Variants in DDX10 observed in about 807,000 individuals in gnomAD.
DDX10 encodes DEAD-box helicase 10.
A neutral mutation model predicts 104.3 loss-of-function variants in DDX10; 74 were observed. That is an observed-to-expected ratio of 0.71 (90% CI 0.59 to 0.86). The LOEUF (loss-of-function observed/expected upper bound fraction) is 0.86, where lower values mean the gene tolerates loss of function less well. Among genes scored for constraint, DDX10 ranks in the 40% least tolerant of loss-of-function variants. The probability of loss-of-function intolerance (pLI) is 0.00; values close to 1 mark genes in which losing one functional copy is unlikely to be tolerated. For missense variants in DDX10, 952 were observed against 1,040.0 expected, an observed-to-expected ratio of 0.92 and a Z score of 1.16; for synonymous variants, 351 against 353.4, an observed-to-expected ratio of 0.99 and a Z score of 0.08.
intron 16 of DDX10, among the ~76,000 whole-genome samples, chr11:108,911,981 C>T (rs2357324): frequency 0.15 from 22,773 of 152,060 alleles, 2,114 homozygotes; most frequent in East Asian, 0.28. Flanking sequence ...TAAGAGAGGT[C>T]TGATGTGTAC....
At chr11:108,905,416 C>T (rs1158402552) in intron 16 of DDX10, among the ~76,000 whole-genome samples, 1 of 149,012 alleles carries the variant, frequency 6.7e-6, no homozygotes, top group Non-Finnish European at 1.5e-5. Context: ...TCACTGTGAA[C>T]ACTTTTAAAT....
intron 6 of DDX10, among the ~76,000 whole-genome samples, chr11:108,680,056 C>T (rs966031893): frequency 2.6e-5 from 4 of 152,122 alleles, no homozygotes; most frequent in African/African-American, 9.7e-5. Context: ...TTATGGAACA[C>T]ATTTTATGAA....
intron 13 of DDX10, chr11:108,822,496 G>T (rs1299505750): frequency 3.5e-6 from 1 of 288,706 alleles, no homozygotes; most frequent in Non-Finnish European, 6.7e-6. Flanking sequence ...GTTCTTATTG[G>T]TGTCTGTGTA....
intron 16 of DDX10, 57 bp from the exon 17 acceptor site, chr11:108,917,816 C>A: frequency 6.3e-7 from 1 of 1,574,804 alleles, no homozygotes; most frequent in Non-Finnish European, 8.6e-7. Flanking sequence ...CAAATAAAAC[C>A]TGATTATTTA....
intron 17 of DDX10, among the ~76,000 whole-genome samples, chr11:108,934,204 T>G (rs1168491800): frequency 6.6e-6 from 1 of 152,084 alleles, no homozygotes; most frequent in African/African-American, 2.4e-5. Context: ...ATAGGTGGAT[T>G]TGAGAGATGA....
chr11:108,740,411 A>G (rs913464810), intron 13 of DDX10, among the ~76,000 whole-genome samples: 2 of 152,158 alleles, frequency 1.3e-5, no homozygotes, highest in South Asian at 4.2e-4. Context: ...GGTTGATTCC[A>G]TGTCTTTGCT....
chr11:108,916,560 T>C (rs1026291966), intron 16 of DDX10, among the ~76,000 whole-genome samples: 1 of 152,232 alleles, frequency 6.6e-6, no homozygotes, highest in Non-Finnish European at 1.5e-5. Flanking sequence ...TATTCTGAAC[T>C]GTTATTCAAT....
intron 13 of DDX10, among the ~76,000 whole-genome samples, chr11:108,763,973 C>T (rs1298224997): frequency 6.6e-6 from 1 of 152,084 alleles, no homozygotes; most frequent in East Asian, 1.9e-4. Context: ...ATAGAGCTTT[C>T]ATTATTTTAT....
chr11:108,852,303 TA>T, intron 16 of DDX10, 94 bp downstream of exon 16: 1 of 819,306 alleles, frequency 1.2e-6, no homozygotes, highest in Non-Finnish European at 1.9e-6. Context: ...CTTATAATGT[TA>T]AAATGGAATT....
intron 16 of DDX10, among the ~76,000 whole-genome samples, chr11:108,856,412 CAG>C (rs1387276465): frequency 6.6e-6 from 1 of 151,632 alleles, no homozygotes; most frequent in Non-Finnish European, 1.5e-5. Context: ...GCCTGGGTGA[CAG>C]AGCGAGACTC....
At chr11:108,818,041 C>CT (rs1414482186) in intron 13 of DDX10, among the ~76,000 whole-genome samples, 1 of 152,162 alleles carries the variant, frequency 6.6e-6, no homozygotes, top group African/African-American at 2.4e-5. Flanking sequence ...TTAAAGTAAA[C>CT]TGAAGAAACA....
intron 13 of DDX10, among the ~76,000 whole-genome samples, chr11:108,824,438 T>A (rs4237580): frequency 6.6e-6 from 1 of 152,008 alleles, no homozygotes; most frequent in Non-Finnish European, 1.5e-5. Flanking sequence ...TCTTTACTTT[T>A]AATGTTACTG....
At chr11:108,732,194 A>G (rs971691474) in intron 13 of DDX10, among the ~76,000 whole-genome samples, 2 of 152,204 alleles carry the variant, frequency 1.3e-5, no homozygotes, top group Admixed American at 1.3e-4. Flanking sequence ...GCATTTTACC[A>G]TATACTGAAC....
chr11:108,785,362 A>G (rs1301897574), intron 13 of DDX10, among the ~76,000 whole-genome samples: 2 of 152,040 alleles, frequency 1.3e-5, no homozygotes, highest in African/African-American at 4.8e-5. Flanking sequence ...TTCTATGTTC[A>G]TGAGAAATAT....
intron 13 of DDX10, among the ~76,000 whole-genome samples, chr11:108,780,849 A>G (rs761773852): frequency 6.6e-6 from 1 of 152,232 alleles, no homozygotes; most frequent in Non-Finnish European, 1.5e-5. Flanking sequence ...AATGCAGCTT[A>G]CAATGTGGTG....
intron 10 of DDX10, among the ~76,000 whole-genome samples, chr11:108,715,495 G>C (rs1388274048): frequency 6.6e-6 from 1 of 152,194 alleles, no homozygotes; most frequent in Non-Finnish European, 1.5e-5. Context: ...CTACACTCCA[G>C]CCTCACTGAG....
chr11:108,873,788 A>G (rs561720124), intron 16 of DDX10, among the ~76,000 whole-genome samples: 37 of 152,334 alleles, frequency 2.4e-4, no homozygotes, highest in South Asian at 4.1e-4. Flanking sequence ...TTTATTTGCA[A>G]TACAAAGCTA....
intron 13 of DDX10, among the ~76,000 whole-genome samples, chr11:108,811,892 T>TGGG (rs34144850): frequency 2.9e-4 from 41 of 140,896 alleles, no homozygotes; most frequent in Admixed American, 1.0e-3. Flanking sequence ...ATTATAAATA[T>TGGG]GGGGGGGGGA....
intron 17 of DDX10, among the ~76,000 whole-genome samples, chr11:108,937,831 T>G (rs866167732): frequency 6.6e-6 from 1 of 152,254 alleles, no homozygotes; most frequent in Non-Finnish European, 1.5e-5. Flanking sequence ...AGTTAAGCCA[T>G]GCTTTTGCTT....
Sources: gnomAD v4.1 joint callset for allele counts (sites outside exome capture counted in the v4.1 genomes callset) on GRCh38, gnomAD v4.1.1 for gene constraint, MANE v1.5 for transcripts, NCBI Gene and HGNC (gene_info 2026-07-23, HGNC 2026-07-21) for gene names.